SPTBN1: variants seen among roughly 807,000 people sequenced by gnomAD.
SPTBN1 encodes the protein spectrin beta, non-erythrocytic 1.
SPTBN1 carries 32 observed loss-of-function variants against 266.4 expected under a neutral mutation model. That is an observed-to-expected ratio of 0.12 (90% CI 0.09 to 0.16). The LOEUF (loss-of-function observed/expected upper bound fraction) is 0.16, where lower values mean the gene tolerates loss of function less well. Among genes scored for constraint, SPTBN1 ranks in the 10% least tolerant of loss-of-function variants. The pLI is 1.00. For missense variants in SPTBN1, 2,296 were observed against 3,067.1 expected, an observed-to-expected ratio of 0.75 and a Z score of 5.94; for synonymous variants, 1,336 against 1,162.2, an observed-to-expected ratio of 1.15 and a Z score of -3.04.
chr2:54,500,082 C>T (rs1248713721), intron 1 of SPTBN1, among the ~76,000 whole-genome samples: 3 of 152,164 alleles, frequency 2.0e-5, no homozygotes, highest in Non-Finnish European at 4.4e-5. Context: ...GATCTGTAAT[C>T]TACTAAAAGT....
At chr2:54,548,738 T>G (rs891692186) in intron 2 of SPTBN1, among the ~76,000 whole-genome samples, 1 of 152,192 alleles carries the variant, frequency 6.6e-6, no homozygotes, top group Non-Finnish European at 1.5e-5. Flanking sequence ...TTACTATAAA[T>G]GAGATGGGTT....
In SPTBN1 at chr2:54,631,414, G is replaced by A; in HGVS notation, c.3367G>A (p.Asp1123Asn). The change falls in exon 16 of 36, where the codon GAC becomes AAC. Residue 1123 changes from aspartate to asparagine, a missense_variant. Physicochemically the swap from Asp to Asn is conservative, Grantham distance 23 (BLOSUM62 1). Transcript: ENST00000356805. ...CGAGGAGGACTACCAGAAGATGAGG[G>A]ACATGGGCGAGATGGTCACCCAGGG... ...NYEEDYQKMR[D>N]MGEMVTQGQT... 1 of 1,614,244 alleles carries A rather than the reference G, an allele frequency of 6.2e-7. No individual in the cohort carries two copies.
chr2:54,657,640 T>C (rs1475443457), intron 29 of SPTBN1, among the ~76,000 whole-genome samples: 1 of 152,226 alleles, frequency 6.6e-6, no homozygotes, highest in Non-Finnish European at 1.5e-5. Context: ...CACCTATTTA[T>C]TTTTACTCTT....
rs975872562 is a variant in SPTBN1 at position 54,661,086 on chromosome 2, C to T, written c.6420+1087C>T. ...GAAGTCATGTCAGTGTCTCTGTAGA[C>T]AAACTCCACTGTACATCTTGGATTA... is the stretch of plus-strand genomic sequence containing the variant. On this transcript the variant is annotated intron_variant, in intron 32 of 35. Coordinates refer to ENST00000356805, the MANE Select transcript of SPTBN1 (RefSeq NM_003128.3). The T allele has an allele frequency of 3.0e-6, 3 of 985,404 alleles. No individual in the cohort carries two copies. The African/African-American group carries it at 5.2e-5, about 17-fold the overall frequency. 61.0% of individuals were successfully genotyped at this position (985,404 alleles called of 1,614,324 possible).
intron 2 of SPTBN1, among the ~76,000 whole-genome samples, chr2:54,597,066 G>A (rs912058132): frequency 6.6e-6 from 1 of 152,124 alleles, no homozygotes; most frequent in Non-Finnish European, 1.5e-5. Flanking sequence ...ATCCAAGCAG[G>A]TTTTCATTTT....
chr2:54,489,175 A>C (rs1251242185), intron 1 of SPTBN1, among the ~76,000 whole-genome samples: 2 of 133,600 alleles, frequency 1.5e-5, no homozygotes, highest in Admixed American at 7.5e-5. Context: ...AAAAAAAAAA[A>C]CCAGGCATGG....
At chr2:54,474,972 G>A (rs770748579) in intron 1 of SPTBN1, among the ~76,000 whole-genome samples, 24 of 152,046 alleles carry the variant, frequency 1.6e-4, no homozygotes, top group Non-Finnish European at 3.1e-4. Context: ...TCAGGAGTTC[G>A]AGACCAACCT....
At chr2:54,477,066 G>A (rs12477221) in intron 1 of SPTBN1, among the ~76,000 whole-genome samples, 45,282 of 151,460 alleles carry the variant, frequency 0.3, 7,009 homozygotes, top group East Asian at 0.38. Flanking sequence ...TTGACTTTCT[G>A]TAACAAGTTT....
At chr2:54,555,410 G>C (rs540277109) in intron 2 of SPTBN1, among the ~76,000 whole-genome samples, 1 of 152,318 alleles carries the variant, frequency 6.6e-6, no homozygotes, top group African/African-American at 2.4e-5. Flanking sequence ...AAAACCCTGA[G>C]AGTCTTCTTT....
At chr2:54,549,524 A>G (rs1476348357) in intron 2 of SPTBN1, among the ~76,000 whole-genome samples, 1 of 152,198 alleles carries the variant, frequency 6.6e-6, no homozygotes, top group Non-Finnish European at 1.5e-5. Flanking sequence ...AGTCAGTGTT[A>G]AAAGCTGAGA....
At chr2:54,465,098 A>G (rs1266578667) in intron 1 of SPTBN1, among the ~76,000 whole-genome samples, 1 of 152,240 alleles carries the variant, frequency 6.6e-6, no homozygotes, top group Non-Finnish European at 1.5e-5. Flanking sequence ...ATCATTATTA[A>G]GAAATAGTTT....
chr2:54,565,223 T>G (rs777486810), intron 2 of SPTBN1, among the ~76,000 whole-genome samples: 3 of 152,196 alleles, frequency 2.0e-5, no homozygotes, highest in Non-Finnish European at 4.4e-5. Context: ...TTTGCAAAAT[T>G]TTGTGGTGGG....
At chr2:54,588,880 C>T (rs921800160) in intron 2 of SPTBN1, among the ~76,000 whole-genome samples, 2 of 152,102 alleles carry the variant, frequency 1.3e-5, no homozygotes, top group African/African-American at 4.8e-5. Context: ...GCTTTTTCCA[C>T]CTGGTTTTGG....
intron 2 of SPTBN1, chr2:54,529,849 CACCAAAA>C: frequency 1.1e-5 from 1 of 87,666 alleles, no homozygotes; most frequent in Non-Finnish European, 1.9e-5. Flanking sequence ...TATCTCTTTT[CACCAAAA>C]AAAAAAAAAA....
intron 26 of SPTBN1, 150 bp downstream of exon 26, chr2:54,650,139 A>C: frequency 9.7e-7 from 1 of 1,029,320 alleles, no homozygotes; most frequent in South Asian, 1.7e-5. Context: ...ATAGTGCTCC[A>C]TTTGGGAGAA....
At position 54,649,654 on chromosome 2, in the gene SPTBN1, G is replaced by A. The variant is rs150351061; in HGVS notation, c.5242G>A (p.Gly1748Arg). The change falls in exon 26 of 36, where the codon GGG becomes AGG. Residue 1748 changes from glycine to arginine, a missense_variant. By Grantham distance (125) the Gly-to-Arg change is moderately radical. Transcript: ENST00000356805. This position sits in a 1 kb window ranked among gnomAD's most constrained non-coding sequence, Gnocchi z 6.7. ...ATTCCGGGAGTTTGCCCGAGACACC[G>A]GGAACATTGGGCAGGAGCGCGTGGA... ...ERFREFARDT[G>R]NIGQERVDTV... The A allele has an allele frequency of 4.7e-5, 75 of 1,611,614 alleles. No homozygotes were observed. The highest frequency in any genetic ancestry group is 5.6e-5 in the Non-Finnish European group (66 of 1,177,984).
At chr2:54,610,057 T>TGTTGAGGCAAGATACACTTTTCCTTC (rs138708906) in intron 3 of SPTBN1, among the ~76,000 whole-genome samples, 25,405 of 151,664 alleles carry the variant, frequency 0.17, 2,270 homozygotes, top group Middle Eastern at 0.23. Flanking sequence ...ATTAAAAACT[T>TGTTGAGGCAAGATACACTTTTCCTTC]GTTGAGGCAA....
intron 2 of SPTBN1, among the ~76,000 whole-genome samples, chr2:54,569,365 A>G (rs561018574): frequency 2.0e-5 from 3 of 152,300 alleles, no homozygotes; most frequent in South Asian, 2.1e-4. Flanking sequence ...CTGTTACTCT[A>G]GATACTTTTT....
chr2:54,599,306 T>A (rs1676316049), intron 3 of SPTBN1, 63 bp downstream of exon 3: 12 of 1,582,532 alleles, frequency 7.6e-6, no homozygotes, highest in Non-Finnish European at 9.5e-6. Context: ...AAAAATCAAG[T>A]GTGACTTGTC....
Sources: gnomAD v4.1 joint callset for allele counts (sites outside exome capture counted in the v4.1 genomes callset) on GRCh38, gnomAD v4.1.1 for gene constraint, Gnocchi (gnomAD v3.1) non-coding constraint, MANE v1.5 for transcripts, NCBI Gene and HGNC (gene_info 2026-07-23, HGNC 2026-07-21) for gene names.